The following KAZN variants were observed in gnomAD, a reference collection of about 807,000 sequenced individuals.
The protein encoded by KAZN is kazrin, periplakin interacting protein.
Under a neutral mutation model 87.4 loss-of-function variants are expected in KAZN, and 40 were observed. The observed-to-expected ratio is 0.46, with a 90% CI of 0.36 to 0.60. The LOEUF is 0.60. KAZN is among the 20% of genes least tolerant of loss of function. The pLI is 0.00. For missense variants in KAZN, 898 were observed against 1,073.9 expected (o/e 0.84, Z 2.29); for synonymous variants, 466 against 458.3 (o/e 1.02, Z -0.22).
intron 2 of KAZN, among the ~76,000 whole-genome samples, chr1:14,572,315 G>A (rs1279196986): frequency 6.6e-6 from 1 of 152,184 alleles, no homozygotes; most frequent in East Asian, 1.9e-4. Context: ...TGTTCACGTG[G>A]CCAGCATCAG....
chr1:14,353,366 G>A (rs1297956735), intron 2 of KAZN, among the ~76,000 whole-genome samples: 2 of 151,062 alleles, frequency 1.3e-5, no homozygotes, highest in Non-Finnish European at 2.9e-5. Flanking sequence ...TGGGACTACA[G>A]GTGCCTGCCA....
At position 14,548,745 on chromosome 1, in the gene KAZN, G is replaced by A. The variant is rs76420475; in HGVS notation, c.250-50238G>A. Among the ~76,000 whole-genome samples, 68 of 151,536 alleles carry A rather than the reference G, an allele frequency of 4.5e-4. No homozygotes were observed. In the East Asian group the frequency reaches 0.012, roughly 26 times the overall value. ...CCAAGTTTACTTATATTCTCTTGCT[G>A]AGAATATTCTCTTTTCACCATTAAA... On this transcript the variant is annotated intron_variant, in intron 2 of 16. Transcript: ENST00000636203.
At chr1:14,076,372 G>A (rs1643461530) in intron 1 of KAZN, among the ~76,000 whole-genome samples, 1 of 152,188 alleles carries the variant, frequency 6.6e-6, no homozygotes, top group Non-Finnish European at 1.5e-5. Context: ...CACAAGCCAA[G>A]GAGTGCTGAA....
chr1:14,921,787 C>A (rs1384797587), intron 1 of KAZN, among the ~76,000 whole-genome samples: 5 of 152,252 alleles, frequency 3.3e-5, no homozygotes, highest in Non-Finnish European at 5.9e-5. Context: ...TCTCGGCTAT[C>A]TGCAGCCTCC....
At chr1:14,758,707 G>A (rs910358807) in intron 1 of KAZN, among the ~76,000 whole-genome samples, 57 of 152,248 alleles carry the variant, frequency 3.7e-4, no homozygotes, top group African/African-American at 1.3e-3. Flanking sequence ...TGTTGAATGT[G>A]CTTTTTGACC....
intron 1 of KAZN, among the ~76,000 whole-genome samples, chr1:14,015,411 T>G (rs1005219561): frequency 2.0e-5 from 3 of 150,722 alleles, no homozygotes; most frequent in African/African-American, 7.3e-5. Flanking sequence ...ACTTTAGTTG[T>G]TCCCTATTGT....
intron 2 of KAZN, among the ~76,000 whole-genome samples, chr1:15,026,021 G>A (rs1204282905): frequency 3.3e-5 from 5 of 150,906 alleles, no homozygotes; most frequent in Non-Finnish European, 7.4e-5. Context: ...TCTTTGAAAC[G>A]GAAAAAAAAA....
intron 2 of KAZN, among the ~76,000 whole-genome samples, chr1:14,277,542 TA>T (rs1652468368): frequency 6.6e-6 from 1 of 151,612 alleles, no homozygotes; most frequent in Non-Finnish European, 1.5e-5. Context: ...CAGGCGCCTG[TA>T]ATCCCAGCTA....
intron 1 of KAZN, among the ~76,000 whole-genome samples, chr1:14,864,055 G>A (rs1651170000): frequency 1.3e-5 from 2 of 152,190 alleles, no homozygotes; most frequent in Admixed American, 1.3e-4. Flanking sequence ...GGTCAAAACA[G>A]AAAAATCAGC....
intron 2 of KAZN, among the ~76,000 whole-genome samples, chr1:14,406,645 C>T (rs180732476): frequency 3.5e-4 from 54 of 152,216 alleles, no homozygotes; most frequent in Non-Finnish European, 4.1e-4. Context: ...CACTAAAAAA[C>T]GTACTCATGT....
chr1:14,940,776 C>A (rs1471003297), intron 1 of KAZN, among the ~76,000 whole-genome samples: 1 of 151,858 alleles, frequency 6.6e-6, no homozygotes, highest in Non-Finnish European at 1.5e-5. Context: ...CCTCTGGAAG[C>A]AGGCAGGAAG....
At chr1:14,941,622 T>C (rs1445834523) in intron 1 of KAZN, among the ~76,000 whole-genome samples, 1 of 152,066 alleles carries the variant, frequency 6.6e-6, no homozygotes, top group Non-Finnish European at 1.5e-5. Flanking sequence ...TTTCTGCAGG[T>C]GTACATGCAG....
chr1:15,056,170 A>G lies in KAZN; in HGVS notation c.806A>G (p.Asn269Ser), dbSNP rs1173627728. 1.2e-6 allele frequency: 2 copies of G among 1,614,194 alleles called. No homozygotes were observed. The highest frequency in any genetic ancestry group is 1.3e-5 in the African/African-American group (1 of 75,064). ...SLAMPGETVL[N>S]GNQEWVVQAD... is the part of the protein sequence containing the mutation. The stretch of plus-strand genomic sequence containing the variant: ...GCCATGCCGGGCGAGACGGTGCTCA[A>G]TGGCAACCAGGAGTGGGTGGTGCAG... Residue 269 changes from asparagine (N) to serine (S), a missense_variant, in exon 5 of 15, where the codon AAT (asparagine) becomes AGT (serine). Around this residue, in one of 3 missense-constraint regions of KAZN, gnomAD observed 521 missense variants for 689.4 expected, o/e 0.76. Coordinates refer to ENST00000376030, the MANE Select transcript of KAZN (RefSeq NM_201628.3). This position sits in a 1 kb window ranked among gnomAD's most constrained non-coding sequence, Gnocchi z 5.4.
At chr1:14,259,722 A>C (rs1650861523) in intron 2 of KAZN, among the ~76,000 whole-genome samples, 2 of 152,200 alleles carry the variant, frequency 1.3e-5, no homozygotes, top group African/African-American at 4.8e-5. Flanking sequence ...CAGAGGTAGG[A>C]ATCTTTGATG....
intron 2 of KAZN, among the ~76,000 whole-genome samples, chr1:14,403,180 A>C (rs1663564354): frequency 6.6e-6 from 1 of 152,238 alleles, no homozygotes; most frequent in South Asian, 2.1e-4. Context: ...AATAGAAAAA[A>C]TATAAACCAT....
At position 14,851,905 on chromosome 1, in the gene KAZN, A is replaced by C. The variant is rs146886651; in HGVS notation, c.227-108779A>C. Among the ~76,000 whole-genome samples, 19 of 152,260 alleles carry C rather than the reference A, an allele frequency of 1.2e-4. 1 individual carries two copies. The highest frequency in any genetic ancestry group is 4.6e-4 in the African/African-American group (19 of 41,552). The stretch of plus-strand genomic sequence containing the variant: ...CTGGGGGAGGGACCTAGTCCAGCTC[A>C]CCCGGAATCCTCAGGGCCTAGACAT... On this transcript the variant is annotated intron_variant, in intron 1 of 14. Coordinates refer to ENST00000376030, the MANE Select transcript of KAZN (RefSeq NM_201628.3).
chr1:14,991,199 A>G lies in KAZN; in HGVS notation c.418+30324A>G, dbSNP rs181653922. The stretch of plus-strand genomic sequence containing the variant: ...GAAACCCCATCTCTAATAAAAATAC[A>G]AAAAATTATCCGGGCGTGGTGGTGG... On this transcript the variant is annotated intron_variant, in intron 2 of 14. Coordinates refer to ENST00000376030, the MANE Select transcript of KAZN (RefSeq NM_201628.3). Among the ~76,000 whole-genome samples the G allele has an allele frequency of 2.4e-3, 361 of 152,030 alleles. 1 individual carries two copies. The highest frequency in any genetic ancestry group is 3.6e-3 in the Non-Finnish European group (246 of 67,966).
intron 2 of KAZN, among the ~76,000 whole-genome samples, chr1:14,313,628 G>A (rs144233061): frequency 1.3e-5 from 2 of 152,178 alleles, no homozygotes; most frequent in East Asian, 3.9e-4. Flanking sequence ...AGTTTCTTGT[G>A]AATAAAATTA....
At chr1:14,557,629 G>GGTGT (rs59563758) in intron 2 of KAZN, among the ~76,000 whole-genome samples, 4,493 of 137,912 alleles carry the variant, frequency 0.033, 102 homozygotes, top group East Asian at 0.12. Flanking sequence ...GGTGTGTGTG[G>GGTGT]GTGTGTGTGT....
Sources: gnomAD v4.1 joint callset for allele counts (sites outside exome capture counted in the v4.1 genomes callset) on GRCh38, gnomAD v4.1.1 for gene constraint, gnomAD v4.1.1 regional missense constraint, Gnocchi (gnomAD v3.1) non-coding constraint, MANE v1.5 for transcripts, NCBI Gene and HGNC (gene_info 2026-07-23, HGNC 2026-07-21) for gene names.